ADGRD1: variants seen among roughly 807,000 people sequenced by gnomAD.
ADGRD1 encodes the protein adhesion G protein-coupled receptor D1, also known as G-protein coupled receptor 133.
In ADGRD1, 77 loss-of-function variants were observed where a neutral mutation model predicts 113.4. The ratio of observed to expected loss-of-function variants is 0.68; its 90% CI spans 0.57 to 0.82. The LOEUF is 0.82. Ranked by LOEUF, ADGRD1 falls within the 40% of genes least tolerant of loss-of-function variation. The pLI is 0.00. For missense variants in ADGRD1, 1,036 were observed against 1,139.1 expected, an observed-to-expected ratio of 0.91 and a Z score of 1.30; for synonymous variants, 474 against 475.0, an observed-to-expected ratio of 1.00 and a Z score of 0.03.
chr12:130,976,952 G>C, intron 4 of ADGRD1: 1 of 152,296 alleles, frequency 6.6e-6, no homozygotes, highest in Non-Finnish European at 1.5e-5. Context: ...CTTGGGCCCA[G>C]GAGGTCAAGC....
In ADGRD1 at chr12:131,105,032, A is replaced by G. The variant is rs1032921220; in HGVS notation, c.1775+98A>G. The G allele has an allele frequency of 2.5e-5, 21 of 832,394 alleles. No individual in the cohort carries two copies. In the African/African-American group the frequency reaches 3.5e-4, roughly 14 times the overall value. 51.6% of individuals were successfully genotyped at this position (832,394 alleles called of 1,614,324 possible). ...ACACGGGAGAGGGGAGGGGCTGTGG[A>G]GGTAAGAGCACCAGGCTTAGCTGGA... On this transcript the variant is annotated intron_variant, in intron 16 of 24. Coordinates refer to ENST00000261654, the MANE Select transcript of ADGRD1 (RefSeq NM_198827.5).
chr12:130,986,858 G>A (rs1297329860), intron 5 of ADGRD1: 4 of 509,362 alleles, frequency 7.9e-6, no homozygotes, highest in Admixed American at 3.5e-5. Context: ...AAATAACAAG[G>A]AGTCTCCTTG....
chr12:131,126,801 A>G (rs1950746562), intron 20 of ADGRD1, among the ~76,000 whole-genome samples: 1 of 152,168 alleles, frequency 6.6e-6, no homozygotes, highest in South Asian at 2.1e-4. Context: ...AGCTGCTGGA[A>G]TATCCATGGT....
chr12:131,116,580 C>T (rs565187861), intron 18 of ADGRD1, among the ~76,000 whole-genome samples: 4 of 142,876 alleles, frequency 2.8e-5, no homozygotes, highest in Non-Finnish European at 5.9e-5. Flanking sequence ...CCCTCCTCCT[C>T]CTTCCTCTGG....
intron 13 of ADGRD1, among the ~76,000 whole-genome samples, chr12:131,018,903 C>T (rs997652846): frequency 2.0e-5 from 3 of 152,112 alleles, no homozygotes; most frequent in Admixed American, 2.0e-4. Flanking sequence ...TGTTCTGGTT[C>T]TGTGAGGTCC....
At chr12:131,136,394 G>A (rs1322017592) in intron 22 of ADGRD1, among the ~76,000 whole-genome samples, 1 of 152,258 alleles carries the variant, frequency 6.6e-6, no homozygotes, top group Non-Finnish European at 1.5e-5. Flanking sequence ...TCTGTAGTTG[G>A]CATGTCCTGG....
rs1479485038 is a variant in ADGRD1, at chr12:130,954,531, G to A, written c.66G>A (p.Gln22=). The change falls in exon 1 of 25, where the codon CAG becomes CAA. Residue 22 remains glutamine, a splice_region_variant and synonymous_variant. Transcript: ENST00000261654. This position sits in a 1 kb window ranked among gnomAD's most constrained non-coding sequence, Gnocchi z 4.7. ...SWLLLFYYNF[Q]VRGVYSRSQD... is the part of the protein sequence containing the mutation. ...TGCTGCTATTTTATTACAACTTTCAGGTAATGTCCCCAAGTGGCCAGGATG... is the reference window on the plus strand; with the variant it reads ...TGCTGCTATTTTATTACAACTTTCAAGTAATGTCCCCAAGTGGCCAGGATG... 6.2e-7 allele frequency: 1 copy of A among 1,610,654 alleles called. No individual in the cohort carries two copies. Among genetic ancestry groups the A allele is most frequent in the Non-Finnish European group, 8.5e-7 (1 of 1,178,080 alleles).
chr12:130,966,820 C>A lies in ADGRD1; in HGVS notation c.187+274C>A. 1 of 415,964 alleles carries A rather than the reference C, an allele frequency of 2.4e-6. No homozygotes were observed. The highest frequency in any genetic ancestry group is 4.5e-6 in the Non-Finnish European group (1 of 219,948). 25.8% of individuals were successfully genotyped at this position (415,964 alleles called of 1,614,324 possible). On this transcript the variant is annotated intron_variant, in intron 3 of 24. Transcript: ENST00000261654. This position sits in a 1 kb window ranked among gnomAD's most constrained non-coding sequence, Gnocchi z 4.6. ...TTTTTTTTGTAGAGATGGGGTCTTG[C>A]TATGTTGCCAGGCTGGTCTCAAGCT...
At chr12:131,125,131 C>A (rs971383173) in intron 20 of ADGRD1, among the ~76,000 whole-genome samples, 5 of 152,182 alleles carry the variant, frequency 3.3e-5, no homozygotes, top group African/African-American at 1.2e-4. Context: ...TTAAAGCTCA[C>A]CCTAGTGACC....
At chr12:131,102,356 G>A (rs562533993) in intron 15 of ADGRD1, among the ~76,000 whole-genome samples, 7 of 152,174 alleles carry the variant, frequency 4.6e-5, no homozygotes, top group Non-Finnish European at 5.9e-5. Context: ...GGCAGCACCC[G>A]CCTGTTGAGG....
At chr12:131,123,048 T>G (rs919631528) in intron 20 of ADGRD1, among the ~76,000 whole-genome samples, 40 of 122,382 alleles carry the variant, frequency 3.3e-4, no homozygotes, top group African/African-American at 1.0e-3. Flanking sequence ...AGTTTTTTTT[T>G]TTTTTTTTTT....
chr12:131,028,885 A>G (rs548525692), intron 13 of ADGRD1, among the ~76,000 whole-genome samples: 42 of 152,298 alleles, frequency 2.8e-4, no homozygotes, highest in African/African-American at 9.9e-4. Flanking sequence ...GGCCTCGGCT[A>G]TTTTTGGTGA....
Position 131,138,140 on chromosome 12 carries a change from A to C in ADGRD1, c.2440A>C (p.Arg814=), listed in dbSNP as rs768990319. ...CGATCCCTTCCCCGCTTTCAAGGTGAGAGCCGCCTTCAAGCACAAAACCAA... is the reference window on the plus strand; with the variant it reads ...CGATCCCTTCCCCGCTTTCAAGGTGCGAGCCGCCTTCAAGCACAAAACCAA... ...LFHCLLNSEV[R]AAFKHKTKVW... Residue 814 remains arginine (R), a synonymous_variant, in exon 24 of 25, where the codon AGA becomes CGA. Coordinates refer to ENST00000261654, the MANE Select transcript of ADGRD1 (RefSeq NM_198827.5). 5.6e-6 allele frequency: 9 copies of C among 1,613,218 alleles called. No individual in the cohort carries two copies. The highest frequency in any genetic ancestry group is 1.3e-5 in the African/African-American group (1 of 74,910).
intron 14 of ADGRD1, among the ~76,000 whole-genome samples, chr12:131,077,210 C>A (rs938852790): frequency 2.0e-5 from 3 of 151,852 alleles, no homozygotes; most frequent in Non-Finnish European, 2.9e-5. Flanking sequence ...CCTGGCTGTC[C>A]CCCTCGAGGG....
At chr12:130,962,856 T>G (rs1314433585) in intron 2 of ADGRD1, 1 of 152,164 alleles carries the variant, frequency 6.6e-6, no homozygotes, top group East Asian at 1.9e-4. Flanking sequence ...AATTGAAAAG[T>G]GGAACCAAGG....
intron 18 of ADGRD1, among the ~76,000 whole-genome samples, chr12:131,117,599 A>T (rs1950498370): frequency 1.3e-5 from 2 of 152,198 alleles, no homozygotes; most frequent in Non-Finnish European, 2.9e-5. Context: ...AGCCAGGGTC[A>T]CATGCCCATC....
intron 13 of ADGRD1, among the ~76,000 whole-genome samples, chr12:131,038,323 C>T (rs1037543449): frequency 1.3e-5 from 2 of 152,316 alleles, no homozygotes; most frequent in East Asian, 1.9e-4. Context: ...TGGCAGATGG[C>T]GCAGGGCAGC....
rs746975895 is a variant in ADGRD1 at position 131,003,237 on chromosome 12, A to G, written c.1079A>G (p.His360Arg). The G allele has an allele frequency of 5.0e-6, 8 of 1,614,106 alleles. No individual in the cohort carries two copies. The highest frequency in any genetic ancestry group is 6.8e-6 in the Non-Finnish European group (8 of 1,180,008). Reference sequence around the variant, plus strand: ...GACACTATTGACACCGTCATGGGCCATGTATCCTCCAACCTGCACGGCAGC... The same window carrying G: ...GACACTATTGACACCGTCATGGGCCGTGTATCCTCCAACCTGCACGGCAGC... Reference protein sequence around the residue: ...LIDTIDTVMGHVSSNLHGSTP... With the variant: ...LIDTIDTVMGRVSSNLHGSTP... The change falls in exon 10 of 25, where the codon CAT becomes CGT. Residue 360 changes from histidine to arginine, a missense_variant. Physicochemically the swap from His to Arg is conservative, Grantham distance 29. Transcript: ENST00000261654. This position sits in a 1 kb window ranked among gnomAD's most constrained non-coding sequence, Gnocchi z 4.8.
chr12:131,107,530 C>T (rs1409178259), intron 17 of ADGRD1, among the ~76,000 whole-genome samples: 2 of 149,514 alleles, frequency 1.3e-5, no homozygotes, highest in African/African-American at 2.5e-5. Flanking sequence ...TGATGGGTCC[C>T]GCTCTCCCAG....
Sources: gnomAD v4.1 joint callset for allele counts (sites outside exome capture counted in the v4.1 genomes callset) on GRCh38, gnomAD v4.1.1 for gene constraint, Gnocchi (gnomAD v3.1) non-coding constraint, MANE v1.5 for transcripts, NCBI Gene and HGNC (gene_info 2026-07-23, HGNC 2026-07-21) for gene names.